SLC24A2: variants seen among roughly 807,000 people sequenced by gnomAD.
The protein encoded by SLC24A2 is solute carrier family 24 member 2.
In SLC24A2, 36 loss-of-function variants were observed where a neutral mutation model predicts 62.0. The ratio of observed to expected loss-of-function variants is 0.58; its 90% CI spans 0.44 to 0.77. SLC24A2 has a LOEUF of 0.77. SLC24A2 is among the 30% of genes least tolerant of loss of function. The probability of loss-of-function intolerance (pLI) is 0.00; values close to 1 mark genes in which losing one functional copy is unlikely to be tolerated. For synonymous variants in SLC24A2, 358 were observed against 294.0 expected (o/e 1.22, Z -2.23); for missense variants, 846 against 817.9 (o/e 1.03, Z -0.42).
At chr9:19,946,843 G>C in the SLC24A2 span, among the ~76,000 whole-genome samples, 1 of 152,212 alleles carries the variant, frequency 6.6e-6, no homozygotes, top group Non-Finnish European at 1.5e-5. Flanking sequence ...TCACATCAAA[G>C]AGAATTCTCA....
chr9:19,663,319 C>A, intron 2 of SLC24A2, among the ~76,000 whole-genome samples: 1 of 152,280 alleles, frequency 6.6e-6, no homozygotes, highest in Middle Eastern at 3.4e-3. Context: ...GGTCCCAGTT[C>A]CCACAAAGTT....
the SLC24A2 span, among the ~76,000 whole-genome samples, chr9:19,845,036 T>C: frequency 2.0e-5 from 3 of 152,112 alleles, no homozygotes; most frequent in Admixed American, 1.3e-4. Flanking sequence ...AATAGCGTTT[T>C]TTAATTCTGT....
chr9:19,848,578 T>C, the SLC24A2 span, among the ~76,000 whole-genome samples: 2 of 152,308 alleles, frequency 1.3e-5, no homozygotes, highest in Middle Eastern at 6.8e-3. Flanking sequence ...AGGATGGTCC[T>C]AGGCAAGAGT....
At chr9:19,658,744 A>G (rs1819010512) in intron 2 of SLC24A2, among the ~76,000 whole-genome samples, 1 of 152,182 alleles carries the variant, frequency 6.6e-6, no homozygotes, top group South Asian at 2.1e-4. Context: ...TGGGAGACCC[A>G]GGAGACCAGA....
At chr9:20,217,563 G>C in the SLC24A2 span, among the ~76,000 whole-genome samples, 3 of 152,230 alleles carry the variant, frequency 2.0e-5, no homozygotes, top group South Asian at 6.2e-4. Context: ...CCTAAAAAAA[G>C]CTTGGGGGTC....
chr9:19,908,519 A>G, the SLC24A2 span, among the ~76,000 whole-genome samples: 2 of 152,220 alleles, frequency 1.3e-5, no homozygotes, highest in Admixed American at 6.5e-5. Context: ...TCTGCACAGC[A>G]AAAGAAACCA....
At chr9:19,824,444 G>C in the SLC24A2 span, among the ~76,000 whole-genome samples, 1 of 152,212 alleles carries the variant, frequency 6.6e-6, no homozygotes, top group Non-Finnish European at 1.5e-5. Flanking sequence ...GGTTATTAGA[G>C]AAATGCAAAT....
chr9:19,517,869 C>T (rs1833002804), intron 10 of SLC24A2, among the ~76,000 whole-genome samples: 2 of 150,716 alleles, frequency 1.3e-5, no homozygotes, highest in Non-Finnish European at 2.9e-5. Context: ...CTTTTCCCAT[C>T]CCTTGTGAAG....
At chr9:19,979,721 C>A in the SLC24A2 span, among the ~76,000 whole-genome samples, 1 of 152,144 alleles carries the variant, frequency 6.6e-6, no homozygotes, top group African/African-American at 2.4e-5. Context: ...ATCCCAATAT[C>A]CTAAGGTAAT....
chr9:19,550,433 C>T lies in SLC24A2; in HGVS notation c.1348-165G>A, dbSNP rs534427442. On this transcript the variant is annotated intron_variant, in intron 7 of 10. Transcript: ENST00000341998. ...TTTTGAGATTTGTCACAGTCTGAGT[C>T]CTAGGAACAAATAATACATTGTCCA... Among the ~76,000 whole-genome samples the T allele has an allele frequency of 2.6e-5, 4 of 152,342 alleles. No homozygotes were observed. In the East Asian group the frequency reaches 7.7e-4, roughly 29 times the overall value.
At chr9:20,098,072 C>T in the SLC24A2 span, among the ~76,000 whole-genome samples, 1 of 151,908 alleles carries the variant, frequency 6.6e-6, no homozygotes, top group South Asian at 2.1e-4. Flanking sequence ...AAGATGGTAC[C>T]AGGTATAAAG....
At chr9:19,882,350 C>T in the SLC24A2 span, among the ~76,000 whole-genome samples, 490 of 152,232 alleles carry the variant, frequency 3.2e-3, 5 homozygotes, top group African/African-American at 0.011. Context: ...TCTTTATTTG[C>T]TTATTAAGCA....
At chr9:20,236,346 A>T in the SLC24A2 span, among the ~76,000 whole-genome samples, 2 of 152,228 alleles carry the variant, frequency 1.3e-5, no homozygotes, top group African/African-American at 4.8e-5. Flanking sequence ...GGGGAAAGGT[A>T]AATCTAAAAT....
intron 6 of SLC24A2, among the ~76,000 whole-genome samples, chr9:19,576,383 G>C (rs1836011973): frequency 6.6e-6 from 1 of 152,174 alleles, no homozygotes; most frequent in African/African-American, 2.4e-5. Context: ...AGTGGAAAGA[G>C]ACCTGGGGGC....
At chr9:20,138,803 G>C in the SLC24A2 span, among the ~76,000 whole-genome samples, 1 of 152,184 alleles carries the variant, frequency 6.6e-6, no homozygotes, top group Non-Finnish European at 1.5e-5. Context: ...TGACATGTCT[G>C]TGTCGGAAAG....
chr9:19,837,365 TG>T, the SLC24A2 span, among the ~76,000 whole-genome samples: 1 of 136,736 alleles, frequency 7.3e-6, no homozygotes, highest in Non-Finnish European at 1.5e-5. Flanking sequence ...GGCAGGAGAA[TG>T]GCGTGAACCC....
At chr9:19,662,201 G>A (rs1038422421) in intron 2 of SLC24A2, among the ~76,000 whole-genome samples, 3 of 152,136 alleles carry the variant, frequency 2.0e-5, no homozygotes, top group Admixed American at 1.3e-4. Context: ...TAACATAATC[G>A]AATATAGCCA....
At chr9:20,281,742 G>A in the SLC24A2 span, among the ~76,000 whole-genome samples, 1 of 152,122 alleles carries the variant, frequency 6.6e-6, no homozygotes, top group East Asian at 1.9e-4. Flanking sequence ...CATTTGGGTT[G>A]TCAATTTTTA....
At chr9:19,937,320 C>T in the SLC24A2 span, among the ~76,000 whole-genome samples, 2 of 152,184 alleles carry the variant, frequency 1.3e-5, no homozygotes, top group Non-Finnish European at 2.9e-5. Context: ...TTAACATCCT[C>T]AACAATGTCT....
Sources: allele counts gnomAD v4.1 joint callset (sites outside exome capture counted in the v4.1 genomes callset), GRCh38; gene constraint gnomAD v4.1.1; transcripts MANE v1.5; gene names NCBI Gene and HGNC (gene_info 2026-07-23, HGNC 2026-07-21).